The following NABP1 variants were observed in gnomAD, a reference collection of about 807,000 sequenced individuals.
NABP1 encodes the protein SOSS complex subunit B2.
A neutral mutation model predicts 25.0 loss-of-function variants in NABP1; 18 were observed. The ratio of observed to expected loss-of-function variants is 0.72; its 90% CI spans 0.50 to 1.07. The LOEUF is 1.07. NABP1 is among the 50% of genes least tolerant of loss of function. The pLI is 0.00. For missense variants in NABP1, 270 were observed against 255.6 expected (o/e 1.06, Z -0.39); for synonymous variants, 71 against 85.0 (o/e 0.84, Z 0.91).
At chr2:191,682,642 AGTATG>A in intron 3 of NABP1, 1 of 463,194 alleles carries the variant, frequency 2.2e-6, no homozygotes, top group Non-Finnish European at 4.5e-6. Context: ...GTATTCATAA[AGTATG>A]GTACAGGCAA....
At position 191,678,471 on chromosome 2, in the gene NABP1, C is replaced by T. The variant is rs1687564124; in HGVS notation, c.-144C>T. On this transcript the variant is annotated 5_prime_UTR_variant, in exon 1 of 6. Coordinates refer to ENST00000425611, the MANE Select transcript of NABP1 (RefSeq NM_001031716.5). ...CTGTCCGGGCTGGTTTGCCCGGTCC[C>T]TGACTAACGGCTTTCTGCCCCTTCT... is the stretch of plus-strand genomic sequence containing the variant. 1 of 529,394 alleles carries T rather than the reference C, an allele frequency of 1.9e-6. No individual in the cohort carries two copies. The highest frequency in any genetic ancestry group is 2.1e-5 in the African/African-American group (1 of 47,626). 32.8% of individuals were successfully genotyped at this position (529,394 alleles called of 1,614,324 possible).
In NABP1 at chr2:191,679,080, A is replaced by G; in HGVS notation, c.182A>G (p.Glu61Gly). Residue 61 changes from glutamate to glycine, a missense_variant, in exon 2 of 6, where the codon GAG (glutamate) becomes GGG (glycine). By Grantham distance (98) the Glu-to-Gly change is moderately conservative (BLOSUM62 -2). Transcript: ENST00000425611. ...TGSITISVWD[E>G]IGGLIQPGDI... ...AGCATCACTATTTCCGTGTGGGATG[A>G]GATCGGAGGTCTTATACAGCCAGGG... The G allele has an allele frequency of 6.2e-7, 1 of 1,614,188 alleles. No individual in the cohort carries two copies.
chr2:191,679,068 C>T lies in NABP1; in HGVS notation c.170C>T (p.Ser57Phe). The T allele has an allele frequency of 6.2e-7, 1 of 1,614,176 alleles. No individual in the cohort carries two copies. Among genetic ancestry groups the T allele is most frequent in the Non-Finnish European group, 8.5e-7 (1 of 1,180,028 alleles). ...GATAAAACGGGCAGCATCACTATTT[C>T]CGTGTGGGATGAGATCGGAGGTCTT... is the stretch of plus-strand genomic sequence containing the variant. The part of the protein sequence containing the change: ...VADKTGSITI[S>F]VWDEIGGLIQ... Residue 57 changes from serine (S) to phenylalanine (F), a missense_variant, in exon 2 of 6, where the codon TCC becomes TTC. Ser to Phe is a radical substitution (Grantham distance 155). Transcript: ENST00000425611.
In NABP1 at chr2:191,685,876, C is replaced by A; in HGVS notation, c.*108C>A. On this transcript the variant is annotated 3_prime_UTR_variant, in exon 6 of 6. Coordinates refer to ENST00000425611, the MANE Select transcript of NABP1 (RefSeq NM_001031716.5). ...GAAAAGTACGTCCTTTATTGGGTTT[C>A]CTTTTATATTCTTGGTTTGTTAAGA... 9.6e-7 allele frequency: 1 copy of A among 1,045,466 alleles called. No homozygotes were observed. The highest frequency in any genetic ancestry group is 1.6e-5 in the South Asian group (1 of 61,456). 64.8% of individuals were successfully genotyped at this position (1,045,466 alleles called of 1,614,324 possible).
Position 191,683,774 on chromosome 2 carries a change from C to A in NABP1, c.348C>A (p.Asn116Lys), listed in dbSNP as rs765042950. The A allele has an allele frequency of 5.0e-6, 8 of 1,609,574 alleles. No individual in the cohort carries two copies. In the African/African-American group the frequency reaches 1.1e-4, roughly 22 times the overall value. ...AAGTGCCAAATTTCAGTGAACCCAACCCAGATTATCGAGGACAGCAGAACA... is the reference window on the plus strand; with the variant it reads ...AAGTGCCAAATTTCAGTGAACCCAAACCAGATTATCGAGGACAGCAGAACA... The part of the protein sequence containing the change: ...YSEVPNFSEP[N>K]PDYRGQQNKG... The change falls in exon 4 of 6, where the codon AAC becomes AAA. Residue 116 changes from asparagine (N) to lysine (K), a missense_variant. Transcript: ENST00000425611. This position sits in a 1 kb window ranked among gnomAD's most constrained non-coding sequence, Gnocchi z 4.1.
Position 191,686,039 on chromosome 2 carries a change from C to T in NABP1, c.*271C>T. 9.4e-6 allele frequency: 3 copies of T among 320,850 alleles called. No homozygotes were observed. Among genetic ancestry groups the T allele is most frequent in the East Asian group, 1.6e-4 (2 of 12,402 alleles). The allele number at this position is 320,850 out of a possible 1,614,324, so 19.9% of individuals were successfully genotyped here. ...GCCTTTAAAAAACCTGCACCCATTT[C>T]ATGGGTGAGTTACTTAAGACATCAG... On this transcript the variant is annotated 3_prime_UTR_variant, in exon 6 of 6. Coordinates refer to ENST00000425611, the MANE Select transcript of NABP1 (RefSeq NM_001031716.5).
Position 191,683,656 on chromosome 2 carries a change from A to T in NABP1, c.303-73A>T. The T allele has an allele frequency of 2.8e-6, 3 of 1,054,300 alleles. No individual in the cohort carries two copies. Among genetic ancestry groups the T allele is most frequent in the Non-Finnish European group, 4.3e-6 (3 of 699,386 alleles). The allele number at this position is 1,054,300 out of a possible 1,614,324, so 65.3% of individuals were successfully genotyped here. ...ACACATAAGTTCATTCCTAAAAGTT[A>T]GAGATGTTACATAAAGAAGGGTTGA... On this transcript the variant is annotated intron_variant, in intron 3 of 5. Transcript: ENST00000425611. This position sits in a 1 kb window ranked among gnomAD's most constrained non-coding sequence, Gnocchi z 4.1.
intron 5 of NABP1, 123 bp from the exon 6 acceptor site, chr2:191,685,476 G>C (rs1364567134): frequency 4.8e-6 from 4 of 828,034 alleles, no homozygotes; most frequent in Non-Finnish European, 7.2e-6. Flanking sequence ...TTTTTTTTCT[G>C]TATAAAAATA....
chr2:191,678,645 A>G lies in NABP1; in HGVS notation c.31A>G (p.Ile11Val). The change falls in exon 1 of 6, where the codon ATA becomes GTA. Residue 11 changes from isoleucine to valine, a missense_variant. Physicochemically the swap from Ile to Val is conservative, Grantham distance 29. Coordinates refer to ENST00000425611, the MANE Select transcript of NABP1 (RefSeq NM_001031716.5). MNRVNDPLIF[I>V]RDIKPGLKNL... ...TAGGGTCAACGACCCACTTATTTTT[A>G]TAAGAGATATTAAGCCCGGACTGAA... The G allele has an allele frequency of 3.1e-6, 5 of 1,613,658 alleles. No homozygotes were observed. The highest frequency in any genetic ancestry group is 4.2e-6 in the Non-Finnish European group (5 of 1,179,832).
In NABP1 at chr2:191,678,603, G is replaced by T. The variant is rs981031222; in HGVS notation, c.-12G>T. ...CTCGCGTCTCCGCAGCCGTAGCCGC[G>T]CCTGTCCCAATATGAATAGGGTCAA... On this transcript the variant is annotated 5_prime_UTR_variant, in exon 1 of 6. Transcript: ENST00000425611. The T allele has an allele frequency of 4.4e-6, 7 of 1,602,342 alleles. No individual in the cohort carries two copies. Among genetic ancestry groups the T allele is most frequent in the Non-Finnish European group, 6.0e-6 (7 of 1,172,100 alleles).
At chr2:191,684,162 A>T in intron 4 of NABP1, 68 bp from the exon 5 acceptor site, 1 of 992,654 alleles carries the variant, frequency 1.0e-6, no homozygotes, top group Non-Finnish European at 1.5e-6. Context: ...AAGAAAGGAT[A>T]TAATAATGTT....
At position 191,682,517 on chromosome 2, in the gene NABP1, A is replaced by G. The variant is rs918443503; in HGVS notation, c.302+500A>G. ...TCTAGGTGCGGTGCAGGCAGCCGCA[A>G]TGCGAGATTCCATACACTACTACCC... On this transcript the variant is annotated intron_variant, in intron 3 of 5. Transcript: ENST00000425611. The G allele has an allele frequency of 1.1e-5, 5 of 471,136 alleles. No homozygotes were observed. In the Admixed American group the frequency reaches 1.2e-4, roughly 11 times the overall value. The allele number at this position is 471,136 out of a possible 1,614,324, so 29.2% of individuals were successfully genotyped here.
chr2:191,678,816 C>T (rs1319142473), intron 1 of NABP1, 111 bp downstream of exon 1: 4 of 1,230,644 alleles, frequency 3.3e-6, no homozygotes, highest in East Asian at 4.7e-5. Context: ...TCCCCTCCCC[C>T]ACCCACGTGG....
At chr2:191,681,383 A>G (rs922307338) in intron 2 of NABP1, among the ~76,000 whole-genome samples, 1 of 152,282 alleles carries the variant, frequency 6.6e-6, no homozygotes, top group East Asian at 1.9e-4. Flanking sequence ...TTTGTTTACT[A>G]CAAACCCAGC....
In NABP1 at chr2:191,678,403, CTTTTTT is replaced by C. The variant is rs781513296; in HGVS notation, c.-193_-188del. 3 of 242,002 alleles carry C rather than the reference CTTTTTT, an allele frequency of 1.2e-5. No individual in the cohort carries two copies. Among genetic ancestry groups the C allele is most frequent in the Admixed American group, 1.3e-4 (2 of 15,954 alleles). 15.0% of individuals were successfully genotyped at this position (242,002 alleles called of 1,614,324 possible). A position where few individuals can be genotyped will look rare whatever the true frequency, so the allele number is the denominator to read the frequency against. ...CTTTTTTTCTTTAGAACTTGTGAGC[CTTTTTT>C]TTTTTTTTTTTTTTTTTTCTTTTTT... On this transcript the variant is annotated 5_prime_UTR_variant, in exon 1 of 6. Coordinates refer to ENST00000425611, the MANE Select transcript of NABP1 (RefSeq NM_001031716.5).
chr2:191,683,665 A>G lies in NABP1; in HGVS notation c.303-64A>G. 8.7e-7 allele frequency: 1 copy of G among 1,153,912 alleles called. No individual in the cohort carries two copies. The highest frequency in any genetic ancestry group is 2.5e-5 in the East Asian group (1 of 40,290). The allele number at this position is 1,153,912 out of a possible 1,614,324, so 71.5% of individuals were successfully genotyped here. On this transcript the variant is annotated intron_variant, in intron 3 of 5. Transcript: ENST00000425611. This position sits in a 1 kb window ranked among gnomAD's most constrained non-coding sequence, Gnocchi z 4.1. ...TTCATTCCTAAAAGTTAGAGATGTTACATAAAGAAGGGTTGAGGACTTTAT... is the reference window on the plus strand; with the variant it reads ...TTCATTCCTAAAAGTTAGAGATGTTGCATAAAGAAGGGTTGAGGACTTTAT...
rs1687737614 is a variant in NABP1 at position 191,683,460 on chromosome 2, G to T, written c.303-269G>T. 2.9e-6 allele frequency: 1 copy of T among 349,726 alleles called. No individual in the cohort carries two copies. Among genetic ancestry groups the T allele is most frequent in the Non-Finnish European group, 5.2e-6 (1 of 191,002 alleles). 21.7% of individuals were successfully genotyped at this position (349,726 alleles called of 1,614,324 possible). On this transcript the variant is annotated intron_variant, in intron 3 of 5. Coordinates refer to ENST00000425611, the MANE Select transcript of NABP1 (RefSeq NM_001031716.5). The surrounding 1 kb of genome is among the most constrained non-coding windows in gnomAD (Gnocchi z 4.1). ...AAAAACAGGACAGAGATGTTTTTGT[G>T]TCCTTGATTTTTGATGTGATTTTTT...
At position 191,679,045 on chromosome 2, in the gene NABP1, T is replaced by C; in HGVS notation, c.147T>C (p.Asp49=). The change falls in exon 2 of 6, where the codon GAT becomes GAC. Residue 49 remains aspartate, a synonymous_variant. Coordinates refer to ENST00000425611, the MANE Select transcript of NABP1 (RefSeq NM_001031716.5). ...GHEVRSCKVA[D]KTGSITISVW... ...AAGTGAGATCGTGCAAAGTAGCAGATAAAACGGGCAGCATCACTATTTCCG... is the reference window on the plus strand; with the variant it reads ...AAGTGAGATCGTGCAAAGTAGCAGACAAAACGGGCAGCATCACTATTTCCG... 6.2e-7 allele frequency: 1 copy of C among 1,614,196 alleles called. No individual in the cohort carries two copies. The highest frequency in any genetic ancestry group is 8.5e-7 in the Non-Finnish European group (1 of 1,180,026).
intron 5 of NABP1, among the ~76,000 whole-genome samples, chr2:191,684,722 A>T (rs1274876948): frequency 6.6e-6 from 1 of 152,202 alleles, no homozygotes; most frequent in African/African-American, 2.4e-5. Flanking sequence ...GATGTCATTT[A>T]ACATGACCCC....
Sources: allele counts gnomAD v4.1 joint callset (sites outside exome capture counted in the v4.1 genomes callset), GRCh38; gene constraint gnomAD v4.1.1; non-coding constraint Gnocchi (gnomAD v3.1); transcripts MANE v1.5; gene names NCBI Gene and HGNC (gene_info 2026-07-23, HGNC 2026-07-21).